RENBP: variants seen among roughly 807,000 people sequenced by gnomAD.
The protein encoded by RENBP is N-acylglucosamine 2-epimerase.
RENBP carries 16 observed loss-of-function variants against 37.8 expected under a neutral mutation model. The ratio of observed to expected loss-of-function variants is 0.42; its 90% CI spans 0.29 to 0.64. The LOEUF (loss-of-function observed/expected upper bound fraction) is 0.64. Among genes scored for constraint, RENBP ranks in the 30% least tolerant of loss-of-function variants. The pLI is 0.19. For synonymous variants in RENBP, 170 were observed against 154.8 expected, an observed-to-expected ratio of 1.10 and a Z score of -0.73; for missense variants, 347 against 379.5, an observed-to-expected ratio of 0.91 and a Z score of 0.71.
intron 9 of RENBP, among the ~76,000 whole-genome samples, chrX:153,937,622 TTTTTTTA>T (rs1455015202): frequency 9.1e-6 from 1 of 109,393 alleles, no homozygotes; most frequent in Admixed American, 9.8e-5. Flanking sequence ...ATTTATTTAT[TTTTTTTA>T]TTTTTTATTT....
intron 4 of RENBP, 85 bp from the exon 5 acceptor site, chrX:153,943,803 G>A: frequency 8.5e-7 from 1 of 1,174,999 alleles, no homozygotes; most frequent in Non-Finnish European, 1.2e-6. Context: ...GTCCTTCGCT[G>A]CTTCTAGATC....
At position 153,942,951 on chromosome X, in the gene RENBP, G is replaced by A. The variant is rs1557109842; in HGVS notation, c.591C>T (p.Asn197=). The change falls in exon 6 of 11, where the codon AAC becomes AAT. Residue 197 remains asparagine, a synonymous_variant. Coordinates refer to ENST00000393700, the MANE Select transcript of RENBP (RefSeq NM_002910.6). ...CTGCCTCCCCGAGCTGCTCCACCAG[G>A]TTCAGTAGCATCATGGGCACCGCCA... ...EPMAVPMMLL[N]LVEQLGEADE... 5.0e-6 allele frequency: 6 copies of A among 1,211,318 alleles called. No homozygotes were observed. The South Asian group carries it at 7.0e-5, about 14-fold the overall frequency.
rs782397481 is a variant in RENBP, at chrX:153,938,796, G to GTT, written c.1077+1304_1077+1305dup. Reference sequence around the variant, plus strand: ...GCATCTGTACTGTTTTTTTTTTTTTGTTTTTTTTTTTTTTGAGACCAAGTC... The same window carrying GTT: ...GCATCTGTACTGTTTTTTTTTTTTTGTTTTTTTTTTTTTTTTGAGACCAAGTC... On this transcript the variant is annotated intron_variant, in intron 9 of 10. Transcript: ENST00000393700. 9.3e-5 allele frequency among the ~76,000 whole-genome samples: 7 copies of GTT among 74,993 alleles called. No individual in the cohort carries two copies. The East Asian group carries it at 2.1e-3, about 23-fold the overall frequency. 65.1% of individuals were successfully genotyped at this position (74,993 alleles called of 115,157 possible).
intron 3 of RENBP, 26 bp downstream of exon 3, chrX:153,944,054 G>A: frequency 8.3e-7 from 1 of 1,207,704 alleles, no homozygotes; most frequent in Non-Finnish European, 1.1e-6. Flanking sequence ...CCGTGTGCCT[G>A]AGCTTCCAGG....
In RENBP at chrX:153,940,180, G is replaced by A. The variant is rs782138348; in HGVS notation, c.999C>T (p.Phe333=). ...WWPHSEAMIA[F]LMGYSDSGDP... ...CCCCACTGTCACTGTAACCCATGAG[G>A]AAGGCAATCATGGCTTCACTGTGTG... Residue 333 remains phenylalanine, a synonymous_variant, in exon 9 of 11, where the codon TTC becomes TTT. Transcript: ENST00000393700. 5 of 1,208,443 alleles carry A rather than the reference G, an allele frequency of 4.1e-6. No individual in the cohort carries two copies. The East Asian group carries it at 1.2e-4, about 29-fold the overall frequency.
At chrX:153,941,158 A>G (rs1203808371) in intron 8 of RENBP, among the ~76,000 whole-genome samples, 3 of 109,070 alleles carry the variant, frequency 2.8e-5, no homozygotes, top group Non-Finnish European at 5.7e-5. Context: ...AAAAAAAAAA[A>G]AAAAAAAAGG....
At chrX:153,939,484 T>G (rs1898863680) in intron 9 of RENBP, among the ~76,000 whole-genome samples, 2 of 112,162 alleles carry the variant, frequency 1.8e-5, no homozygotes, top group Admixed American at 1.9e-4. Context: ...TCCACCAGAC[T>G]GTGAACCCTC....
At chrX:153,941,321 G>T (rs1223617267) in intron 8 of RENBP, among the ~76,000 whole-genome samples, 157 bp downstream of exon 8, 4 of 110,476 alleles carry the variant, frequency 3.6e-5, no homozygotes, top group African/African-American at 9.9e-5. Context: ...CTGGGGTCTG[G>T]ATCACGACCC....
chrX:153,944,465 G>A, intron 1 of RENBP, 47 bp from the exon 2 acceptor site: 1 of 1,168,831 alleles, frequency 8.6e-7, no homozygotes, highest in Admixed American at 2.2e-5. Context: ...TGGGACCTAG[G>A]CCCCCCCAGC....
intron 9 of RENBP, among the ~76,000 whole-genome samples, chrX:153,938,785 T>TTTTTG (rs2065213664): frequency 1.1e-5 from 1 of 93,356 alleles, no homozygotes. Flanking sequence ...CTGTACTGTT[T>TTTTTG]TTTTTTTTTT....
At chrX:153,944,453 C>T in intron 1 of RENBP, 35 bp from the exon 2 acceptor site, 2 of 1,181,256 alleles carry the variant, frequency 1.7e-6, no homozygotes. Flanking sequence ...GCAGCCCCCA[C>T]ATGGGACCTA....
chrX:153,939,193 T>A (rs998487255), intron 9 of RENBP, among the ~76,000 whole-genome samples: 1 of 111,007 alleles, frequency 9.0e-6, no homozygotes, highest in Non-Finnish European at 1.9e-5. Context: ...GCTTAAGCAG[T>A]CCTCCTGCCT....
intron 9 of RENBP, among the ~76,000 whole-genome samples, chrX:153,937,809 G>C (rs1336392598): frequency 9.0e-6 from 1 of 110,758 alleles, no homozygotes; most frequent in African/African-American, 3.3e-5. Flanking sequence ...CAGCCAGGCT[G>C]TTCTCGAACT....
chrX:153,935,844 A>G (rs1390935304), intron 9 of RENBP, among the ~76,000 whole-genome samples: 1 of 113,171 alleles, frequency 8.8e-6, no homozygotes, highest in African/African-American at 3.2e-5. Context: ...AACGTTGTCT[A>G]TCGGGCCGGG....
intron 9 of RENBP, 27 bp downstream of exon 9, chrX:153,940,075 T>C (rs782547104): frequency 6.6e-6 from 8 of 1,205,501 alleles, no homozygotes; most frequent in Non-Finnish European, 7.8e-6. Flanking sequence ...ATTCAGCCTC[T>C]AGAGGGGACA....
In RENBP at chrX:153,940,096, T is replaced by C. The variant is rs782633050; in HGVS notation, c.1077+6A>G. Reference sequence around the variant, plus strand: ...CCTCTAGAGGGGACAAGGAGGCAGCTCTCACCTGGCGGAAGGTGTACTCAG... The same window carrying C: ...CCTCTAGAGGGGACAAGGAGGCAGCCCTCACCTGGCGGAAGGTGTACTCAG... On this transcript the variant is annotated splice_donor_region_variant and intron_variant, in intron 9 of 10. Coordinates refer to ENST00000393700, the MANE Select transcript of RENBP (RefSeq NM_002910.6). 7 of 1,208,545 alleles carry C rather than the reference T, an allele frequency of 5.8e-6. No homozygotes were observed. Among genetic ancestry groups the C allele is most frequent in the Non-Finnish European group, 7.8e-6 (7 of 894,746 alleles).
chrX:153,944,308 C>T lies in RENBP; in HGVS notation c.137+1G>A. On this transcript the variant is annotated splice_donor_variant, in intron 2 of 10. Transcript: ENST00000393700. LOFTEE classifies it high-confidence loss of function. ...GAGGACTCCAGAAGCACGCCGAGTA[C>T]CCGTGCTCCTGGTCGTGGGAGTGCT... is the stretch of plus-strand genomic sequence containing the variant. The T allele has an allele frequency of 3.3e-6, 4 of 1,205,555 alleles. No homozygotes were observed. Among genetic ancestry groups the T allele is most frequent in the Non-Finnish European group, 4.5e-6 (4 of 889,966 alleles).
Position 153,942,972 on chromosome X carries a change from C to A in RENBP, c.570G>T (p.Ala190=). 8.3e-7 allele frequency: 1 copy of A among 1,209,639 alleles called. No homozygotes were observed. Among genetic ancestry groups the A allele is most frequent in the Non-Finnish European group, 1.1e-6 (1 of 893,953 alleles). ...LQGAPAAEPM[A]VPMMLLNLVE... ...CCAGGTTCAGTAGCATCATGGGCAC[C>A]GCCATGGGCTCCGCAGCCGGGGCCC... Residue 190 remains alanine, a synonymous_variant, in exon 6 of 11, where the codon GCG becomes GCT. Coordinates refer to ENST00000393700, the MANE Select transcript of RENBP (RefSeq NM_002910.6).
rs781950345 is a variant in RENBP at position 153,942,044 on chromosome X, A to T, written c.688-13T>A. On this transcript the variant is annotated splice_polypyrimidine_tract_variant and intron_variant, in intron 6 of 10. Coordinates refer to ENST00000393700, the MANE Select transcript of RENBP (RefSeq NM_002910.6). Reference sequence around the variant, plus strand: ...CTTGTCCATCCCTCTACCGGGAAGGAGCAGAAGGGAATGTTGCCTCCAGCC... The same window carrying T: ...CTTGTCCATCCCTCTACCGGGAAGGTGCAGAAGGGAATGTTGCCTCCAGCC... 6.4e-5 allele frequency: 75 copies of T among 1,167,867 alleles called. No individual in the cohort carries two copies. The Admixed American group carries it at 1.6e-3, about 25-fold the overall frequency.
Sources: gnomAD v4.1 joint callset for allele counts (sites outside exome capture counted in the v4.1 genomes callset) on GRCh38, gnomAD v4.1.1 for gene constraint, MANE v1.5 for transcripts, NCBI Gene and HGNC (gene_info 2026-07-23, HGNC 2026-07-21) for gene names.